The following AGMO variants were observed in gnomAD, a reference collection of about 807,000 sequenced individuals.
AGMO encodes the protein alkylglycerol monooxygenase.
In AGMO, 75 loss-of-function variants were observed where a neutral mutation model predicts 60.2. That is an observed-to-expected ratio of 1.25 (90% confidence interval 1.03 to 1.51). AGMO has a LOEUF of 1.51. Among genes scored for constraint, AGMO ranks in the 40% most tolerant of loss-of-function variants. The probability of loss-of-function intolerance (pLI) is 0.00; values close to 1 mark genes in which losing one functional copy is unlikely to be tolerated. For synonymous variants in AGMO, 261 were observed against 177.1 expected (o/e 1.47, Z -3.76); for missense variants, 763 against 525.5 (o/e 1.45, Z -4.42).
At chr7:15,148,033 G>A in the AGMO span, among the ~76,000 whole-genome samples, 1 of 152,210 alleles carries the variant, frequency 6.6e-6, no homozygotes, top group South Asian at 2.1e-4. Flanking sequence ...TTGCTCAGTG[G>A]TAAAGTGTAT....
chr7:15,297,047 C>T (rs1784424473), intron 12 of AGMO, among the ~76,000 whole-genome samples: 1 of 144,990 alleles, frequency 6.9e-6, no homozygotes, highest in African/African-American at 2.5e-5. Flanking sequence ...CTAGCCATCT[C>T]TCTCTGTCTC....
chr7:15,356,929 G>A (rs1160350669), intron 12 of AGMO, among the ~76,000 whole-genome samples: 6 of 116,168 alleles, frequency 5.2e-5, no homozygotes, highest in South Asian at 2.7e-4. Context: ...CCAACATGGC[G>A]AAATCCCCTC....
intron 3 of AGMO, among the ~76,000 whole-genome samples, chr7:15,490,774 T>C (rs903160620): frequency 6.6e-5 from 10 of 152,164 alleles, no homozygotes; most frequent in Admixed American, 3.3e-4. Context: ...CACCATTTCA[T>C]ATACAAAGTA....
the AGMO span, among the ~76,000 whole-genome samples, chr7:15,190,694 C>T: frequency 5.3e-5 from 8 of 152,076 alleles, no homozygotes; most frequent in Admixed American, 2.0e-4. Flanking sequence ...TCATTACCAA[C>T]GAAATACAAA....
At chr7:15,328,552 G>A (rs1312108909) in intron 12 of AGMO, among the ~76,000 whole-genome samples, 1 of 152,174 alleles carries the variant, frequency 6.6e-6, no homozygotes, top group Non-Finnish European at 1.5e-5. Context: ...AGACCAATCT[G>A]TTGCTGAAGA....
chr7:15,205,499 A>G (rs1190581880), intron 12 of AGMO, among the ~76,000 whole-genome samples: 1 of 152,172 alleles, frequency 6.6e-6, no homozygotes, highest in Non-Finnish European at 1.5e-5. Context: ...TTTTATATGG[A>G]TTGCCAGCAG....
the AGMO span, among the ~76,000 whole-genome samples, chr7:15,134,728 G>A: frequency 3.8e-4 from 58 of 152,102 alleles, 1 homozygote; most frequent in African/African-American, 1.3e-3. Flanking sequence ...TTGACTCCAC[G>A]CCTTTGCTGT....
At chr7:15,187,637 C>T in the AGMO span, among the ~76,000 whole-genome samples, 1 of 152,058 alleles carries the variant, frequency 6.6e-6, no homozygotes, top group East Asian at 1.9e-4. Context: ...GGGAAGTGTG[C>T]AATTAATATG....
chr7:15,403,505 G>C (rs1784609593), intron 5 of AGMO, among the ~76,000 whole-genome samples: 2 of 151,798 alleles, frequency 1.3e-5, no homozygotes, highest in Admixed American at 6.6e-5. Context: ...TAACTTAAAG[G>C]TAGAATAAAT....
In AGMO at chr7:15,560,246, A is replaced by T; in HGVS notation, c.152T>A (p.Met51Lys). 1 of 1,612,712 alleles carries T rather than the reference A, an allele frequency of 6.2e-7. No homozygotes were observed. The highest frequency in any genetic ancestry group is 8.5e-7 in the Non-Finnish European group (1 of 1,179,030). The change falls in exon 2 of 13, where the codon ATG becomes AAG. Residue 51 changes from methionine (M) to lysine (K), a missense_variant. Transcript: ENST00000342526. Reference sequence around the variant, plus strand: ...CCAGCTGACAACAAGTTCAAGCAGCATCAAAGAAATGAAAAATGGAGTTGC... The same window carrying T: ...CCAGCTGACAACAAGTTCAAGCAGCTTCAAAGAAATGAAAAATGGAGTTGC... ...KKATPFFISL[M>K]LLELVVSWIL...
At chr7:15,140,533 C>G in the AGMO span, among the ~76,000 whole-genome samples, 1 of 152,016 alleles carries the variant, frequency 6.6e-6, no homozygotes, top group African/African-American at 2.4e-5. Flanking sequence ...TTCAGGACTT[C>G]CATTCTCAAA....
At chr7:15,311,616 C>T (rs1029198067) in intron 12 of AGMO, among the ~76,000 whole-genome samples, 2 of 152,102 alleles carry the variant, frequency 1.3e-5, no homozygotes, top group Non-Finnish European at 2.9e-5. Context: ...AAAGCAAATA[C>T]AAATTCCCTC....
intron 12 of AGMO, among the ~76,000 whole-genome samples, chr7:15,278,335 G>C (rs943591613): frequency 6.6e-6 from 1 of 152,128 alleles, no homozygotes; most frequent in Non-Finnish European, 1.5e-5. Context: ...GACCCGGGGA[G>C]AGTGGTCAGA....
chr7:15,199,699 G>A (rs7799387), downstream of AGMO, among the ~76,000 whole-genome samples: 97,515 of 151,990 alleles, frequency 0.64, 32,383 homozygotes, highest in African/African-American at 0.83. Flanking sequence ...TTCTGTATAT[G>A]TATACAAAAT....
intron 4 of AGMO, among the ~76,000 whole-genome samples, chr7:15,426,679 G>A (rs891621625): frequency 9.2e-5 from 14 of 152,084 alleles, no homozygotes; most frequent in African/African-American, 3.4e-4. Flanking sequence ...AACCCAGGAG[G>A]TGGAGGTTGC....
intron 12 of AGMO, among the ~76,000 whole-genome samples, chr7:15,244,158 T>C (rs1000424460): frequency 6.8e-6 from 1 of 148,058 alleles, no homozygotes; most frequent in Non-Finnish European, 1.5e-5. Context: ...AAAATGCATA[T>C]ATATAATTTA....
chr7:15,246,003 T>C (rs1782729432), intron 12 of AGMO, among the ~76,000 whole-genome samples: 1 of 152,164 alleles, frequency 6.6e-6, no homozygotes, highest in Non-Finnish European at 1.5e-5. Flanking sequence ...AGAGATGTCT[T>C]ACCATGGAAA....
At chr7:15,517,239 C>A (rs1264919855) in intron 3 of AGMO, among the ~76,000 whole-genome samples, 4 of 151,554 alleles carry the variant, frequency 2.6e-5, no homozygotes, top group African/African-American at 4.9e-5. Flanking sequence ...CTTTAGCACA[C>A]CTCACTCATT....
At chr7:15,352,743 T>C (rs561389254) in intron 12 of AGMO, among the ~76,000 whole-genome samples, 3 of 151,820 alleles carry the variant, frequency 2.0e-5, no homozygotes, top group Admixed American at 6.6e-5. Context: ...ATGCGCCTTT[T>C]TCTCAGCGAC....
Sources: allele counts gnomAD v4.1 joint callset (sites outside exome capture counted in the v4.1 genomes callset), GRCh38; gene constraint gnomAD v4.1.1; transcripts MANE v1.5; gene names NCBI Gene and HGNC (gene_info 2026-07-23, HGNC 2026-07-21).